BBS9: variants seen among roughly 807,000 people sequenced by gnomAD.
BBS9 encodes the protein Bardet-Biedl syndrome 9, also known as protein PTHB1.
Under a neutral mutation model 117.7 loss-of-function variants are expected in BBS9, and 89 were observed. The ratio of observed to expected loss-of-function variants is 0.76; its 90% CI spans 0.64 to 0.90. BBS9 has a LOEUF of 0.90. Ranked by LOEUF, BBS9 falls within the 40% of genes least tolerant of loss-of-function variation. The pLI, the probability that BBS9 is intolerant of heterozygous loss-of-function variation, is 0.00. For synonymous variants in BBS9, 379 were observed against 370.9 expected (o/e 1.02, Z -0.25); for missense variants, 982 against 1,042.2 (o/e 0.94, Z 0.80).
At chr7:33,161,111 T>C (rs1415353823) in intron 4 of BBS9, among the ~76,000 whole-genome samples, 1 of 145,688 alleles carries the variant, frequency 6.9e-6, no homozygotes, top group Admixed American at 7.3e-5. Flanking sequence ...GAACAGTCAC[T>C]ACACTAATTA....
intron 5 of BBS9, among the ~76,000 whole-genome samples, chr7:33,217,127 C>T (rs1175622533): frequency 2.0e-5 from 3 of 151,952 alleles, no homozygotes; most frequent in Admixed American, 1.3e-4. Context: ...ACTAAAAATA[C>T]AACCTATAGA....
At chr7:33,507,981 G>A (rs954474837) in intron 20 of BBS9, among the ~76,000 whole-genome samples, 9 of 152,184 alleles carry the variant, frequency 5.9e-5, no homozygotes, top group Non-Finnish European at 8.8e-5. Context: ...AATTGTTAGT[G>A]TGAATTTTAC....
intron 19 of BBS9, among the ~76,000 whole-genome samples, chr7:33,430,273 A>G (rs1458167314): frequency 6.6e-6 from 1 of 152,220 alleles, no homozygotes; most frequent in African/African-American, 2.4e-5. Context: ...GTATTTAGGC[A>G]CTTTGGATTT....
intron 16 of BBS9, among the ~76,000 whole-genome samples, chr7:33,365,298 A>G (rs1821471552): frequency 6.6e-6 from 1 of 152,080 alleles, no homozygotes; most frequent in African/African-American, 2.4e-5. Context: ...CCTTTTTCCA[A>G]CTTCGTGTGC....
intron 7 of BBS9, among the ~76,000 whole-genome samples, chr7:33,271,266 A>G (rs1224157087): frequency 2.0e-5 from 3 of 152,184 alleles, no homozygotes; most frequent in Admixed American, 6.5e-5. Flanking sequence ...ACACTTAAAT[A>G]CTTAAATACA....
chr7:33,179,346 C>T (rs1027904040), intron 5 of BBS9, among the ~76,000 whole-genome samples: 9 of 152,152 alleles, frequency 5.9e-5, no homozygotes, highest in African/African-American at 1.9e-4. Flanking sequence ...TGTTAGGAAC[C>T]GGGTTTCACA....
chr7:33,329,297 A>C (rs902472753), intron 9 of BBS9, among the ~76,000 whole-genome samples: 1 of 152,208 alleles, frequency 6.6e-6, no homozygotes, highest in East Asian at 1.9e-4. Context: ...CTGGGATTAC[A>C]GGTGTGAGCC....
At chr7:33,229,591 A>G (rs1021795664) in intron 5 of BBS9, among the ~76,000 whole-genome samples, 10 of 152,150 alleles carry the variant, frequency 6.6e-5, no homozygotes, top group South Asian at 2.1e-4. Context: ...GATAACAAAT[A>G]TTTATAGTAA....
At chr7:33,399,203 C>G (rs1053507361) in intron 19 of BBS9, among the ~76,000 whole-genome samples, 7 of 151,920 alleles carry the variant, frequency 4.6e-5, no homozygotes, top group Non-Finnish European at 1.0e-4. Context: ...TATATTGTTT[C>G]TTGTGATGTC....
At chr7:33,364,297 G>A (rs961606606) in intron 16 of BBS9, among the ~76,000 whole-genome samples, 1 of 151,978 alleles carries the variant, frequency 6.6e-6, no homozygotes, top group Non-Finnish European at 1.5e-5. Context: ...TAGAATTTTT[G>A]TATCTATGTT....
At chr7:33,231,340 C>T (rs1792345285) in intron 5 of BBS9, among the ~76,000 whole-genome samples, 1 of 151,124 alleles carries the variant, frequency 6.6e-6, no homozygotes, top group African/African-American at 2.4e-5. Context: ...TCTTTATTTA[C>T]TTATTGTATC....
intron 5 of BBS9, among the ~76,000 whole-genome samples, chr7:33,240,662 T>G (rs1486548544): frequency 3.3e-5 from 5 of 152,244 alleles, no homozygotes; most frequent in Non-Finnish European, 7.3e-5. Flanking sequence ...AGAATATTAT[T>G]TGGCATTGCA....
At chr7:33,248,450 G>A (rs1795715549) in intron 5 of BBS9, among the ~76,000 whole-genome samples, 1 of 152,098 alleles carries the variant, frequency 6.6e-6, no homozygotes, top group Admixed American at 6.6e-5. Flanking sequence ...CCAATTATTA[G>A]TTACTAAGCA....
intron 21 of BBS9, among the ~76,000 whole-genome samples, chr7:33,578,854 G>C (rs1227997136): frequency 2.6e-5 from 4 of 152,092 alleles, no homozygotes; most frequent in Non-Finnish European, 1.5e-5. Flanking sequence ...TTTTCCAACT[G>C]GATTCAGAAT....
chr7:33,454,915 A>G (rs1399743259), intron 19 of BBS9, among the ~76,000 whole-genome samples: 2 of 152,174 alleles, frequency 1.3e-5, no homozygotes, highest in African/African-American at 4.8e-5. Context: ...TGGCCTCTCA[A>G]AAGTCAGAGC....
chr7:33,243,114 C>T (rs993028854), intron 5 of BBS9: 1 of 413,190 alleles, frequency 2.4e-6, no homozygotes, highest in Non-Finnish European at 4.9e-6. Flanking sequence ...TCATTTGGTT[C>T]TGTTAATTTC....
chr7:33,428,118 A>G (rs1040102656), intron 19 of BBS9, among the ~76,000 whole-genome samples: 1 of 152,148 alleles, frequency 6.6e-6, no homozygotes, highest in African/African-American at 2.4e-5. Flanking sequence ...TTTGGAGAGG[A>G]AAGGGGAACA....
intron 9 of BBS9, among the ~76,000 whole-genome samples, chr7:33,278,856 C>T (rs894125676): frequency 3.3e-5 from 5 of 152,206 alleles, no homozygotes; most frequent in Admixed American, 1.3e-4. Context: ...AAATTTGTAA[C>T]TGTCTGACGA....
In BBS9 at chr7:33,336,453, A is replaced by G. The variant is rs35195153; in HGVS notation, c.1029A>G (p.Gly343=). The change falls in exon 10 of 23, where the codon GGA becomes GGG. Residue 343 remains glycine, a synonymous_variant. Coordinates refer to ENST00000242067, the MANE Select transcript of BBS9 (RefSeq NM_198428.3). ...VRVGCLHDLK[G]VIVTLSDDGH... ...TTCCTTATTGTAGTGATTTAAAGGG[A>G]GTGATAGTCACTCTGAGTGATGATG... is the stretch of plus-strand genomic sequence containing the variant. 8.1e-3 allele frequency: 13,004 copies of G among 1,613,376 alleles called. 452 individuals are homozygous for G. The African/African-American group carries it at 0.096, about 12-fold the overall frequency.
Sources: gnomAD v4.1 joint callset for allele counts (sites outside exome capture counted in the v4.1 genomes callset) on GRCh38, gnomAD v4.1.1 for gene constraint, MANE v1.5 for transcripts, NCBI Gene and HGNC (gene_info 2026-07-23, HGNC 2026-07-21) for gene names.